The following NOTCH2NLB variants were observed in gnomAD, a reference collection of about 807,000 sequenced individuals.
NOTCH2NLB encodes notch 2 N-terminal like B.
A neutral mutation model predicts 14.8 loss-of-function variants in NOTCH2NLB; 1 was observed. The ratio of observed to expected loss-of-function variants is 0.07; its 90% CI spans 0.02 to 0.32. NOTCH2NLB has a LOEUF of 0.32. Ranked by LOEUF, NOTCH2NLB falls within the 10% of genes least tolerant of loss-of-function variation. The pLI is 1.00. For synonymous variants in NOTCH2NLB, 6 were observed against 57.5 expected (o/e 0.10, Z 4.05); for missense variants, 11 against 155.0 (o/e 0.07, Z 4.93).
At chr1:148,673,748 T>C (rs1303130284) in intron 1 of NOTCH2NLB, among the ~76,000 whole-genome samples, 2 of 150,978 alleles carry the variant, frequency 1.3e-5, no homozygotes, top group African/African-American at 4.8e-5. Flanking sequence ...GGGGGAAAAA[T>C]GACCACAGGA....
intron 2 of NOTCH2NLB, among the ~76,000 whole-genome samples, chr1:148,629,460 A>G: frequency 1.6e-5 from 1 of 62,444 alleles, no homozygotes; most frequent in South Asian, 8.3e-4. Flanking sequence ...TGCTTCTGTC[A>G]CAAACTGTGA....
intron 1 of NOTCH2NLB, among the ~76,000 whole-genome samples, chr1:148,670,524 T>C (rs1425720783): frequency 2.5e-4 from 18 of 73,282 alleles, no homozygotes; most frequent in Admixed American, 1.8e-3. Flanking sequence ...GATCTGTTCA[T>C]AAACTAAAAA....
the NOTCH2NLB span, among the ~76,000 whole-genome samples, chr1:148,601,002 TACC>T: frequency 2.1e-5 from 3 of 142,992 alleles, no homozygotes; most frequent in African/African-American, 8.0e-5. Context: ...TGACAAATGC[TACC>T]ACATCAATGA....
chr1:148,627,717 C>CA (rs1264538848), intron 2 of NOTCH2NLB, among the ~76,000 whole-genome samples: 14 of 151,592 alleles, frequency 9.2e-5, no homozygotes, highest in Non-Finnish European at 2.1e-4. Flanking sequence ...ACAGCCTTGA[C>CA]ACCCCCTCTG....
Position 148,679,308 on chromosome 1 carries a change from G to A in NOTCH2NLB, c.3+154C>T, listed in dbSNP as rs1208341086. Reference sequence around the variant, plus strand: ...GGGCACCACGGGAGGGGCCCCCGGCGATGTCCAAACTCTCGGGAACCCAGC... The same window carrying A: ...GGGCACCACGGGAGGGGCCCCCGGCAATGTCCAAACTCTCGGGAACCCAGC... On this transcript the variant is annotated intron_variant, in intron 1 of 4. Transcript: ENST00000593495. Among the ~76,000 whole-genome samples the A allele has an allele frequency of 7.0e-5, 3 of 42,878 alleles. 1 individual carries two copies. The highest frequency in any genetic ancestry group is 1.5e-4 in the Non-Finnish European group (3 of 20,050). 28.1% of individuals were successfully genotyped at this position (42,878 alleles called of 152,430 possible).
chr1:148,673,756 G>A (rs1385049454), intron 1 of NOTCH2NLB, among the ~76,000 whole-genome samples: 3 of 150,914 alleles, frequency 2.0e-5, no homozygotes, highest in South Asian at 2.1e-4. Flanking sequence ...AATGACCACA[G>A]GATCTAGCCA....
At chr1:148,637,037 C>T (rs1664216027) in intron 2 of NOTCH2NLB, among the ~76,000 whole-genome samples, 1 of 129,544 alleles carries the variant, frequency 7.7e-6, no homozygotes, top group Admixed American at 7.5e-5. Flanking sequence ...TAACAAGTAG[C>T]CAGGGACAGA....
chr1:148,602,259 C>CAA (rs1173403342), downstream of NOTCH2NLB, among the ~76,000 whole-genome samples: 5 of 21,224 alleles, frequency 2.4e-4, no homozygotes, highest in African/African-American at 5.0e-3. Flanking sequence ...TGCTCCGTCT[C>CAA]AAAAAAAAAA....
downstream of NOTCH2NLB, among the ~76,000 whole-genome samples, chr1:148,604,982 C>G (rs1174371076): frequency 2.8e-5 from 4 of 145,158 alleles, no homozygotes; most frequent in African/African-American, 1.1e-4. Context: ...CACACACACA[C>G]ACACACACAT....
chr1:148,616,673 CAT>C (rs1280656648), intron 2 of NOTCH2NLB, among the ~76,000 whole-genome samples: 6 of 112,868 alleles, frequency 5.3e-5, no homozygotes, highest in African/African-American at 1.5e-4. Flanking sequence ...ATTAAAATAA[CAT>C]AAAATATCTA....
Position 148,679,516 on chromosome 1 carries a change from C to T in NOTCH2NLB, c.-52G>A. On this transcript the variant is annotated 5_prime_UTR_variant, in exon 1 of 5. Transcript: ENST00000593495. Reference sequence around the variant, plus strand: ...AGCGCCAGCAGCGCCCACAGCAGAGCGGGGCGCAGGGCGGGCATCTTCTCG... The same window carrying T: ...AGCGCCAGCAGCGCCCACAGCAGAGTGGGGCGCAGGGCGGGCATCTTCTCG... The T allele has an allele frequency of 5.3e-6, 6 of 1,134,684 alleles. 3 individuals are homozygous for T. Among genetic ancestry groups the T allele is most frequent in the South Asian group, 3.7e-5 (2 of 54,242 alleles). 70.3% of individuals were successfully genotyped at this position (1,134,684 alleles called of 1,614,324 possible).
intron 2 of NOTCH2NLB, among the ~76,000 whole-genome samples, chr1:148,637,842 G>A: frequency 6.8e-6 from 1 of 146,610 alleles, no homozygotes; most frequent in Non-Finnish European, 1.5e-5. Flanking sequence ...AACATGCCGT[G>A]TTTGGTTTTC....
intron 1 of NOTCH2NLB, among the ~76,000 whole-genome samples, chr1:148,670,551 T>C (rs1421978177): frequency 7.2e-4 from 59 of 82,100 alleles, no homozygotes; most frequent in African/African-American, 2.7e-3. Context: ...TATATATATA[T>C]ACATATATAT....
chr1:148,613,203 TC>T, intron 3 of NOTCH2NLB, among the ~76,000 whole-genome samples: 1 of 149,084 alleles, frequency 6.7e-6, no homozygotes, highest in East Asian at 2.0e-4. Flanking sequence ...CTAGTGTGTT[TC>T]CGGATGTATG....
chr1:148,604,937 G>A (rs1367832330), downstream of NOTCH2NLB, among the ~76,000 whole-genome samples: 1 of 129,584 alleles, frequency 7.7e-6, no homozygotes, highest in Non-Finnish European at 1.6e-5. Context: ...TTAAACATCT[G>A]CACAACGCCA....
At chr1:148,637,602 T>G (rs1664237155) in intron 2 of NOTCH2NLB, among the ~76,000 whole-genome samples, 2 of 147,918 alleles carry the variant, frequency 1.4e-5, no homozygotes, top group African/African-American at 5.1e-5. Context: ...GCTTTTAAGT[T>G]TTGGGATACA....
At chr1:148,637,599 A>C (rs1308115832) in intron 2 of NOTCH2NLB, among the ~76,000 whole-genome samples, 1 of 147,928 alleles carries the variant, frequency 6.8e-6, no homozygotes, top group Admixed American at 6.7e-5. Flanking sequence ...TTTGCTTTTA[A>C]GTTTTGGGAT....
chr1:148,693,070 G>T, the NOTCH2NLB span, among the ~76,000 whole-genome samples: 1 of 130,834 alleles, frequency 7.6e-6, no homozygotes, highest in Non-Finnish European at 1.6e-5. Flanking sequence ...ATTCTCTGCC[G>T]CTAGGAAGAA....
At chr1:148,615,075 C>T (rs1252203067) in intron 3 of NOTCH2NLB, among the ~76,000 whole-genome samples, 2 of 126,672 alleles carry the variant, frequency 1.6e-5, no homozygotes, top group Non-Finnish European at 3.6e-5. Flanking sequence ...GCAACTTTTC[C>T]TCTGGTGACA....
Sources: gnomAD v4.1 joint callset for allele counts (sites outside exome capture counted in the v4.1 genomes callset) on GRCh38, gnomAD v4.1.1 for gene constraint, MANE v1.5 for transcripts, NCBI Gene and HGNC (gene_info 2026-07-23, HGNC 2026-07-21) for gene names.